SCO2: variants seen among roughly 807,000 people sequenced by gnomAD.
SCO2 encodes the protein synthesis of cytochrome C oxidase 2.
For missense variants in SCO2, 429 were observed against 348.7 expected, an observed-to-expected ratio of 1.23 and a Z score of -1.83; for synonymous variants, 195 against 148.6, an observed-to-expected ratio of 1.31 and a Z score of -2.27.
upstream of SCO2, chr22:50,525,713 G>A (rs1255326021): frequency 1.3e-6 from 2 of 1,580,892 alleles, no homozygotes; most frequent in Non-Finnish European, 1.7e-6. Flanking sequence ...CGCCTCCGCA[G>A]CCCTGGATCC....
At chr22:50,524,878 C>T in intron 1 of SCO2, 1 of 357,748 alleles carries the variant, frequency 2.8e-6, no homozygotes, top group South Asian at 2.1e-5. Context: ...GGCCTTCCTC[C>T]ACACTCCCAG....
rs111623618 is a variant in SCO2 at position 50,524,511 on chromosome 22, A to G, written c.-13-87T>C. On this transcript the variant is annotated intron_variant, in intron 1 of 1. Transcript: ENST00000395693. ...CCCTGCGACTTGAGACCAGCCACCCATCTGAAGGACCCAGCCCACGTTCAG... is the reference window on the plus strand; with the variant it reads ...CCCTGCGACTTGAGACCAGCCACCCGTCTGAAGGACCCAGCCCACGTTCAG... 3.9e-5 allele frequency: 49 copies of G among 1,245,754 alleles called. 1 individual carries two copies. The African/African-American group carries it at 5.9e-4, about 15-fold the overall frequency. 77.2% of individuals were successfully genotyped at this position (1,245,754 alleles called of 1,614,324 possible).
upstream of SCO2, chr22:50,525,908 C>G: frequency 6.5e-7 from 1 of 1,540,890 alleles, no homozygotes; most frequent in Non-Finnish European, 8.7e-7. Flanking sequence ...GCACGCGGAG[C>G]CAGGGGGTCC....
upstream of SCO2, chr22:50,526,198 G>A (rs2054577132): frequency 3.4e-6 from 5 of 1,486,344 alleles, no homozygotes; most frequent in East Asian, 2.7e-5. Context: ...CCTCGGGAAG[G>A]GAAGGGGATG....
chr22:50,526,244 A>G (rs770277446), upstream of SCO2: 2 of 1,540,306 alleles, frequency 1.3e-6, no homozygotes, highest in African/African-American at 1.4e-5. Flanking sequence ...CCCGACGCTC[A>G]CCATCTGCGG....
rs547698915 is a variant in SCO2, at chr22:50,524,329, C to T, written c.83G>A (p.Gly28Asp). 3 of 1,601,840 alleles carry T rather than the reference C, an allele frequency of 1.9e-6. No homozygotes were observed. The highest frequency in any genetic ancestry group is 1.1e-5 in the South Asian group (1 of 91,072). The change falls in exon 2 of 2, where the codon GGC becomes GAC. Residue 28 changes from glycine (G) to aspartate (D), a missense_variant. Physicochemically the swap from Gly to Asp is moderately conservative, Grantham distance 94. Transcript: ENST00000395693. ...KPRVLPGTLG[G>D]QALHLRSWLL... is the part of the protein sequence containing the mutation. Reference sequence around the variant, plus strand: ...CCAGGACCTCAGATGCAGGGCCTGGCCTCCCAGGGTCCCAGGGAGGACCCG... The same window carrying T: ...CCAGGACCTCAGATGCAGGGCCTGGTCTCCCAGGGTCCCAGGGAGGACCCG...
Position 50,523,642 on chromosome 22 carries a change from T to TGCC in SCO2, c.767_769dup (p.Arg256dup). 1 of 1,613,832 alleles carries TGCC rather than the reference T, an allele frequency of 6.2e-7. No homozygotes were observed. Among genetic ancestry groups the TGCC allele is most frequent in the Non-Finnish European group, 8.5e-7 (1 of 1,180,036 alleles). On this transcript the variant is annotated inframe_insertion, in exon 2 of 2. Coordinates refer to ENST00000395693, the MANE Select transcript of SCO2 (RefSeq NM_005138.3). Reference sequence around the variant, plus strand: ...CAGGACACTGCGGAAAGCCGCCATGTGCCGCCGCACACTGTCTGAGATCTG... The same window carrying TGCC: ...CAGGACACTGCGGAAAGCCGCCATGTGCCGCCGCCGCACACTGTCTGAGATCTG...
In SCO2 at chr22:50,524,283, A is replaced by C. The variant is rs2069228890; in HGVS notation, c.129T>G (p.Pro43=). Residue 43 remains proline (P), a synonymous_variant, in exon 2 of 2, where the codon CCT becomes CCG. Coordinates refer to ENST00000395693, the MANE Select transcript of SCO2 (RefSeq NM_005138.3). The stretch of plus-strand genomic sequence containing the variant: ...GCTGGCCCTGCCCACCTGTCTCTGC[A>C]GGGCCCTGCCTTGACAAAAGCCAGG... ...LRSWLLSRQG[P]AETGGQGQPQ... is the part of the protein sequence containing the mutation. The C allele has an allele frequency of 6.2e-7, 1 of 1,603,394 alleles. No individual in the cohort carries two copies. The highest frequency in any genetic ancestry group is 1.3e-5 in the African/African-American group (1 of 74,846).
chr22:50,526,386 A>G, upstream of SCO2: 1 of 1,525,964 alleles, frequency 6.6e-7, no homozygotes, highest in African/African-American at 1.4e-5. Flanking sequence ...GAAGCGGCCA[A>G]GGGCCGAGCC....
chr22:50,525,787 G>GA (rs1064792885), upstream of SCO2: 5 of 1,610,942 alleles, frequency 3.1e-6, no homozygotes, highest in Non-Finnish European at 4.2e-6. Flanking sequence ...TGCGGCGGCA[G>GA]AACGAGCTCT....
upstream of SCO2, chr22:50,525,816 G>C (rs1459239986): frequency 2.5e-6 from 4 of 1,610,214 alleles, no homozygotes; most frequent in African/African-American, 5.3e-5. Context: ...CGAGGGGGCG[G>C]CGAATGGCGC....
upstream of SCO2, chr22:50,525,736 C>T (rs575818870): frequency 7.5e-6 from 12 of 1,603,560 alleles, no homozygotes; most frequent in East Asian, 1.8e-4. Flanking sequence ...CCGCTCCCGC[C>T]CAAGCACTGA....
chr22:50,525,812 G>A (rs746941115), upstream of SCO2: 3 of 1,610,344 alleles, frequency 1.9e-6, no homozygotes, highest in African/African-American at 2.7e-5. Context: ...AGGGCGAGGG[G>A]GCGGCGAATG....
rs750018119 is a variant in SCO2, at chr22:50,524,260, TGGCCCTGCCCACCTGTCTCTGCAG to T, written c.128_151del (p.Pro43_Gly50del). On this transcript the variant is annotated inframe_deletion, in exon 2 of 2. Coordinates refer to ENST00000395693, the MANE Select transcript of SCO2 (RefSeq NM_005138.3). ...GGTTCGAAGCCCAGGGCCCTGGGGC[TGGCCCTGCCCACCTGTCTCTGCAG>T]GGCCCTGCCTTGACAAAAGCCAGGA... 4.4e-6 allele frequency: 7 copies of T among 1,604,770 alleles called. No individual in the cohort carries two copies. The highest frequency in any genetic ancestry group is 2.2e-5 in the East Asian group (1 of 44,868).
At chr22:50,526,304 T>G (rs1366685579), upstream of SCO2, 1 of 1,557,708 alleles carries the variant, frequency 6.4e-7, no homozygotes, top group Non-Finnish European at 8.6e-7. Context: ...GCTGCCGGCG[T>G]TCTGCGGGAC....
chr22:50,524,852 C>T, intron 1 of SCO2: 1 of 362,936 alleles, frequency 2.8e-6, no homozygotes, highest in South Asian at 2.0e-5. Flanking sequence ...TACCTCCAGC[C>T]ACTTCAACCA....
chr22:50,524,737 C>T, intron 1 of SCO2: 5 of 563,930 alleles, frequency 8.9e-6, no homozygotes, highest in Admixed American at 4.5e-5. Flanking sequence ...CTTGCCTGAA[C>T]TAACCACGTT....
intron 1 of SCO2, 129 bp downstream of exon 1, chr22:50,525,343 G>A (rs1196639170): frequency 7.9e-6 from 2 of 253,034 alleles, no homozygotes; most frequent in East Asian, 1.4e-4. Context: ...CCCCAGCCTC[G>A]CTCCGGCCTC....
chr22:50,524,519 G>T (rs41281527), intron 1 of SCO2, 95 bp from the exon 2 acceptor site: 40,176 of 1,137,924 alleles, frequency 0.035, 896 homozygotes, highest in Middle Eastern at 0.11. Context: ...CCATCTGAAG[G>T]ACCCAGCCCA....
Sources: allele counts gnomAD v4.1 joint callset, GRCh38; gene constraint gnomAD v4.1.1; transcripts MANE v1.5; gene names NCBI Gene and HGNC (gene_info 2026-07-23, HGNC 2026-07-21).